STX2: variants seen among roughly 807,000 people sequenced by gnomAD.
STX2 encodes syntaxin 2, also known as syntaxin-2.
STX2 carries 27 observed loss-of-function variants against 40.6 expected under a neutral mutation model. That is an observed-to-expected ratio of 0.66 (90% CI 0.49 to 0.92). The LOEUF is 0.92. Ranked by LOEUF, STX2 falls within the 40% of genes least tolerant of loss-of-function variation. STX2 has a pLI of 0.00. For missense variants in STX2, 328 were observed against 366.1 expected, an observed-to-expected ratio of 0.90 and a Z score of 0.85; for synonymous variants, 123 against 119.1, an observed-to-expected ratio of 1.03 and a Z score of -0.22.
Position 130,791,669 on chromosome 12 carries a change from C to T in STX2, c.*354G>A, listed in dbSNP as rs1950879503. The T allele has an allele frequency of 4.6e-6, 2 of 436,058 alleles. No homozygotes were observed. The highest frequency in any genetic ancestry group is 8.8e-5 in the Admixed American group (2 of 22,812). The allele number at this position is 436,058 out of a possible 1,614,324, so 27.0% of individuals were successfully genotyped here. The stretch of plus-strand genomic sequence containing the variant: ...GGCCAGTGAGAGAAGTCTCACACTG[C>T]TCACATTCTGTAGTGTGTCATTCAG... On this transcript the variant is annotated 3_prime_UTR_variant, in exon 11 of 11. Transcript: ENST00000392373.
chr12:130,818,185 A>ATAATATATATATATATATATATAT (rs1555222352), intron 3 of STX2, among the ~76,000 whole-genome samples: 4 of 70,588 alleles, frequency 5.7e-5, no homozygotes, highest in Non-Finnish European at 4.6e-5. Context: ...AAAAAAAAAA[A>ATAATATATATATATATATATATAT]ATATATATAT....
rs748233645 is a variant in STX2, at chr12:130,801,170, T to C, written c.658A>G (p.Met220Val). Residue 220 changes from methionine (M) to valine (V), a missense_variant, in exon 8 of 11, where the codon ATG (methionine) becomes GTG (valine). Coordinates refer to ENST00000392373, the MANE Select transcript of STX2 (RefSeq NM_194356.4). ...ELHEMFMDMA[M>V]FVETQGEMIN... ...GTAACTACCTGAGTCTCCACAAACA[T>C]AGCCATGTCCATGAACATCTCATGC... The C allele has an allele frequency of 5.0e-6, 8 of 1,612,938 alleles. No individual in the cohort carries two copies. The Middle Eastern group carries it at 4.9e-4, about 100-fold the overall frequency.
At chr12:130,833,270 A>G (rs1019349580) in intron 1 of STX2, among the ~76,000 whole-genome samples, 1 of 144,970 alleles carries the variant, frequency 6.9e-6, no homozygotes, top group Non-Finnish European at 1.5e-5. Context: ...AGACACACAC[A>G]CAGACTAAGA....
In STX2 at chr12:130,791,815, G is replaced by T; in HGVS notation, c.*208C>A. 8.3e-7 allele frequency: 1 copy of T among 1,207,722 alleles called. No homozygotes were observed. 74.8% of individuals were successfully genotyped at this position (1,207,722 alleles called of 1,614,324 possible). A position where few individuals can be genotyped will look rare whatever the true frequency, so the allele number is the denominator to read the frequency against. The stretch of plus-strand genomic sequence containing the variant: ...CTCGATGCCGGGTTACAGCGTCTGA[G>T]ATTCATTCACGAAATGACAGGATGC... On this transcript the variant is annotated 3_prime_UTR_variant, in exon 11 of 11. Transcript: ENST00000392373.
At chr12:130,815,928 A>G (rs1951841865) in intron 3 of STX2, among the ~76,000 whole-genome samples, 1 of 152,068 alleles carries the variant, frequency 6.6e-6, no homozygotes, top group Non-Finnish European at 1.5e-5. Flanking sequence ...TATGAACTTC[A>G]TTTTAGAATA....
intron 2 of STX2, among the ~76,000 whole-genome samples, chr12:130,824,647 T>C (rs1952233764): frequency 6.6e-6 from 1 of 152,096 alleles, no homozygotes; most frequent in South Asian, 2.1e-4. Context: ...TTATAAATCA[T>C]CTTCACAGAA....
chr12:130,818,235 G>A (rs1289115970), intron 3 of STX2, among the ~76,000 whole-genome samples: 2 of 126,842 alleles, frequency 1.6e-5, no homozygotes, highest in Admixed American at 8.0e-5. Context: ...TCTGGGCGTG[G>A]TGGCATAAAC....
At chr12:130,810,850 C>A (rs1951621218) in intron 4 of STX2, 1 of 152,032 alleles carries the variant, frequency 6.6e-6, no homozygotes, top group Non-Finnish European at 1.5e-5. Flanking sequence ...GATCTGTGAC[C>A]CAGAATGTGC....
At chr12:130,835,197 G>A (rs1952716326) in intron 1 of STX2, among the ~76,000 whole-genome samples, 1 of 152,240 alleles carries the variant, frequency 6.6e-6, no homozygotes, top group African/African-American at 2.4e-5. Context: ...GCTGAGGCGG[G>A]AGGATGGCTT....
At chr12:130,807,223 AG>A in intron 5 of STX2, 133 bp from the exon 6 acceptor site, 1 of 818,774 alleles carries the variant, frequency 1.2e-6, no homozygotes, top group South Asian at 1.6e-5. Flanking sequence ...ACAATGGCAA[AG>A]TCCCCATGGC....
At chr12:130,833,505 G>A (rs1011675612) in intron 1 of STX2, among the ~76,000 whole-genome samples, 3 of 151,044 alleles carry the variant, frequency 2.0e-5, no homozygotes, top group African/African-American at 7.3e-5. Context: ...CCACTTCCCA[G>A]GTTCCAGCTA....
intron 2 of STX2, among the ~76,000 whole-genome samples, chr12:130,825,960 CTTAGGTTTGAGAATTT>C (rs1952286877): frequency 6.6e-6 from 1 of 152,148 alleles, no homozygotes; most frequent in South Asian, 2.1e-4. Context: ...TCAGATAATT[CTTAGGTTTGAGAATTT>C]CAGCAGGGCC....
intron 1 of STX2, among the ~76,000 whole-genome samples, chr12:130,837,608 C>T (rs373022766): frequency 2.6e-5 from 4 of 152,160 alleles, no homozygotes; most frequent in East Asian, 3.9e-4. Context: ...TAATTTTTTT[C>T]GAGAAACAGT....
chr12:130,813,084 C>A, intron 3 of STX2, 53 bp from the exon 4 acceptor site: 1 of 1,079,058 alleles, frequency 9.3e-7, no homozygotes, highest in South Asian at 1.9e-5. Context: ...CTATAATATC[C>A]AACATAAATG....
intron 6 of STX2, among the ~76,000 whole-genome samples, chr12:130,806,214 G>A (rs930860252): frequency 3.9e-5 from 6 of 152,242 alleles, no homozygotes; most frequent in Non-Finnish European, 8.8e-5. Context: ...TGCGGCGTTG[G>A]GAGCCGGGAT....
Position 130,827,132 on chromosome 12 carries a change from TG to T in STX2, c.105+60del, listed in dbSNP as rs1055814641. 3.1e-5 allele frequency: 15 copies of T among 484,774 alleles called. No individual in the cohort carries two copies. In the East Asian group the frequency reaches 4.4e-4, roughly 14 times the overall value. The allele number at this position is 484,774 out of a possible 1,614,324, so 30.0% of individuals were successfully genotyped here. A position where few individuals can be genotyped will look rare whatever the true frequency, so the allele number is the denominator to read the frequency against. ...AGGGAGGGAAGAAAGGAGGGAGGGG[TG>T]GGGGGAGGGAGGGAGGACAGGTAGG... On this transcript the variant is annotated intron_variant, in intron 2 of 10. Coordinates refer to ENST00000392373, the MANE Select transcript of STX2 (RefSeq NM_194356.4).
At position 130,818,188 on chromosome 12, in the gene STX2, ATATAT is replaced by A. The variant is rs1565924655; in HGVS notation, c.205+3496_205+3500del. Among the ~76,000 whole-genome samples the A allele has an allele frequency of 3.7e-3, 246 of 66,126 alleles. 4 individuals are homozygous for A. Among genetic ancestry groups the A allele is most frequent in the African/African-American group, 8.2e-3 (109 of 13,290 alleles). The allele number at this position is 66,126 out of a possible 152,430, so 43.4% of individuals were successfully genotyped here. The stretch of plus-strand genomic sequence containing the variant: ...GTTTCTACAAAAAAAAAAAAAAAAT[ATATAT>A]ATATATATATATATATATATATATA... On this transcript the variant is annotated intron_variant, in intron 3 of 10. Transcript: ENST00000392373.
rs376772880 is a variant in STX2, at chr12:130,799,542, A to G, written c.676-907T>C. ...AACCAATGGTAATCAGACTCCCCACACTCCACTTACCATATAATGAATGGC... is the reference window on the plus strand; with the variant it reads ...AACCAATGGTAATCAGACTCCCCACGCTCCACTTACCATATAATGAATGGC... On this transcript the variant is annotated intron_variant, in intron 8 of 10. Transcript: ENST00000392373. Among the ~76,000 whole-genome samples the G allele has an allele frequency of 4.3e-4, 66 of 152,048 alleles. 1 individual carries two copies. In the South Asian group the frequency reaches 0.014, roughly 31 times the overall value.
intron 3 of STX2, among the ~76,000 whole-genome samples, chr12:130,818,170 C>CAAAAAAAAAAAA (rs756794046): frequency 1.2e-4 from 6 of 49,864 alleles, no homozygotes; most frequent in African/African-American, 6.3e-4. Flanking sequence ...GCTGTTTCTA[C>CAAAAAAAAAAAA]AAAAAAAAAA....
Sources: gnomAD v4.1 joint callset for allele counts (sites outside exome capture counted in the v4.1 genomes callset) on GRCh38, gnomAD v4.1.1 for gene constraint, MANE v1.5 for transcripts, NCBI Gene and HGNC (gene_info 2026-07-23, HGNC 2026-07-21) for gene names.